Variants in AK8 observed in about 807,000 individuals in gnomAD.
AK8 encodes the protein ATP-AMP transphosphorylase 8.
AK8 carries 44 observed loss-of-function variants against 54.6 expected under a neutral mutation model. The ratio of observed to expected loss-of-function variants is 0.81; its 90% CI spans 0.63 to 1.04. AK8 has a LOEUF of 1.04. Among genes scored for constraint, AK8 ranks in the 50% least tolerant of loss-of-function variants. The probability of loss-of-function intolerance (pLI) is 0.00; values close to 1 mark genes in which losing one functional copy is unlikely to be tolerated. For missense variants in AK8, 555 were observed against 613.6 expected (o/e 0.90, Z 1.01); for synonymous variants, 239 against 245.6 (o/e 0.97, Z 0.25).
chr9:132,817,658 A>G (rs1453538734), intron 9 of AK8, among the ~76,000 whole-genome samples: 1 of 152,200 alleles, frequency 6.6e-6, no homozygotes, highest in Non-Finnish European at 1.5e-5. Context: ...GGCAATAGGA[A>G]GTAGCCAAAC....
chr9:132,795,841 C>G (rs549736557), intron 10 of AK8, among the ~76,000 whole-genome samples: 1 of 152,208 alleles, frequency 6.6e-6, no homozygotes. Context: ...CCTAGGACGG[C>G]TACTAAGGAG....
chr9:132,749,960 C>G (rs72773432), intron 11 of AK8, among the ~76,000 whole-genome samples: 1 of 146,872 alleles, frequency 6.8e-6, no homozygotes, highest in Non-Finnish European at 1.5e-5. Context: ...TTCCTTACCT[C>G]GAGATACTGA....
At chr9:132,821,835 G>A (rs1159738026) in intron 9 of AK8, among the ~76,000 whole-genome samples, 1 of 100,838 alleles carries the variant, frequency 9.9e-6, no homozygotes, top group African/African-American at 3.9e-5. Context: ...ATACATATAT[G>A]TGTATGTATA....
intron 11 of AK8, among the ~76,000 whole-genome samples, chr9:132,732,034 A>G (rs1327398048): frequency 2.0e-5 from 3 of 152,154 alleles, no homozygotes; most frequent in Non-Finnish European, 4.4e-5. Context: ...CAAAACTGTA[A>G]TACCCGTGTG....
At chr9:132,808,291 AT>A (rs1213148315) in intron 10 of AK8, among the ~76,000 whole-genome samples, 1 of 152,108 alleles carries the variant, frequency 6.6e-6, no homozygotes, top group African/African-American at 2.4e-5. Flanking sequence ...TGGGGAATAA[AT>A]TTGTTCTGTT....
Position 132,860,212 on chromosome 9 carries a change from C to T in AK8, c.333+3453G>A, listed in dbSNP as rs1326128507. Among the ~76,000 whole-genome samples, 1 of 152,148 alleles carries T rather than the reference C, an allele frequency of 6.6e-6. No homozygotes were observed. Among genetic ancestry groups the T allele is most frequent in the African/African-American group, 2.4e-5 (1 of 41,432 alleles). ...CCCTGATGGTCCAGTGAGGGAGGGGCCTGAGCAGGAGAGGGCCCAGGAGCC... is the reference window on the plus strand; with the variant it reads ...CCCTGATGGTCCAGTGAGGGAGGGGTCTGAGCAGGAGAGGGCCCAGGAGCC... On this transcript the variant is annotated intron_variant, in intron 4 of 12. Transcript: ENST00000298545. This position sits in a 1 kb window ranked among gnomAD's most constrained non-coding sequence, Gnocchi z 4.4.
At chr9:132,820,248 G>A (rs1245449236) in intron 9 of AK8, among the ~76,000 whole-genome samples, 1 of 150,352 alleles carries the variant, frequency 6.7e-6, no homozygotes, top group East Asian at 2.0e-4. Flanking sequence ...ATAATCCACA[G>A]CTCTGCCGAG....
chr9:132,798,653 C>T (rs1840291962), intron 10 of AK8, among the ~76,000 whole-genome samples: 1 of 151,894 alleles, frequency 6.6e-6, no homozygotes, highest in Non-Finnish European at 1.5e-5. Context: ...ATGAGTATCT[C>T]ATTATTTCAT....
intron 10 of AK8, among the ~76,000 whole-genome samples, chr9:132,793,460 CA>C (rs1840030227): frequency 6.6e-6 from 1 of 152,196 alleles, no homozygotes; most frequent in African/African-American, 2.4e-5. Flanking sequence ...CAGTTTTCCT[CA>C]AGTGGGACTG....
In AK8 at chr9:132,875,124, T is replaced by C. The variant is rs748953503; in HGVS notation, c.160A>G (p.Asn54Asp). The C allele has an allele frequency of 4.3e-6, 7 of 1,613,946 alleles. No homozygotes were observed. In the East Asian group the frequency reaches 1.1e-4, roughly 26 times the overall value. Residue 54 changes from asparagine (N) to aspartate (D), a missense_variant, in exon 2 of 13, where the codon AAC becomes GAC. Physicochemically the swap from Asn to Asp is conservative, Grantham distance 23. Transcript: ENST00000298545. ...PFMIQHLHRD[N>D]DNVPRIVILG... ...CCCAGCCAGTGCTCACCATTGTCGT[T>C]GTCTCTATGCAAGTGCTGGATCATG...
At chr9:132,771,564 G>A (rs546123651) in intron 11 of AK8, among the ~76,000 whole-genome samples, 21 of 152,290 alleles carry the variant, frequency 1.4e-4, no homozygotes, top group Non-Finnish European at 2.8e-4. Flanking sequence ...AAACCCCAAG[G>A]TGTCACTTGA....
intron 11 of AK8, among the ~76,000 whole-genome samples, chr9:132,734,200 C>T (rs1836991584): frequency 6.6e-6 from 1 of 152,200 alleles, no homozygotes; most frequent in Non-Finnish European, 1.5e-5. Flanking sequence ...TTGCAGGCAC[C>T]CCTTCCCCCA....
At position 132,756,234 on chromosome 9, in the gene AK8, T is replaced by C. The variant is rs374928656; in HGVS notation, c.1122-28700A>G. ...GAAGTACAAAAACAGCAGCTCATTC[T>C]TGCATAGAAAAGAATTCTCCTCCCA... On this transcript the variant is annotated intron_variant, in intron 11 of 12. Coordinates refer to ENST00000298545, the MANE Select transcript of AK8 (RefSeq NM_152572.3). Among the ~76,000 whole-genome samples the C allele has an allele frequency of 2.6e-5, 4 of 152,350 alleles. No homozygotes were observed. The East Asian group carries it at 5.8e-4, about 22-fold the overall frequency.
chr9:132,800,147 C>A (rs1840373992), intron 10 of AK8, among the ~76,000 whole-genome samples: 1 of 152,192 alleles, frequency 6.6e-6, no homozygotes, highest in African/African-American at 2.4e-5. Flanking sequence ...CCGAACGCCT[C>A]CCATCTCTGG....
chr9:132,788,286 G>A (rs1839800972), intron 11 of AK8, among the ~76,000 whole-genome samples: 1 of 152,182 alleles, frequency 6.6e-6, no homozygotes, highest in South Asian at 2.1e-4. Context: ...CCACAAAATT[G>A]TATGCTTGTA....
At chr9:132,777,119 G>A (rs545943616) in intron 11 of AK8, among the ~76,000 whole-genome samples, 71 of 152,162 alleles carry the variant, frequency 4.7e-4, no homozygotes, top group Admixed American at 7.2e-4. Flanking sequence ...AGGGGAAGCA[G>A]GCTGCTCAGA....
chr9:132,803,454 A>T lies in AK8; in HGVS notation c.980-10679T>A, dbSNP rs1347066620. On this transcript the variant is annotated intron_variant, in intron 10 of 12. Transcript: ENST00000298545. This position sits in a 1 kb window ranked among gnomAD's most constrained non-coding sequence, Gnocchi z 4.4. ...TGTGAGTACCATTACTACCACTAAG[A>T]TGATGACGATGGCAACTCCATTCTT... 6.6e-6 allele frequency among the ~76,000 whole-genome samples: 1 copy of T among 152,190 alleles called. No individual in the cohort carries two copies. The highest frequency in any genetic ancestry group is 1.5e-5 in the Non-Finnish European group (1 of 68,038).
rs539163832 is a variant in AK8 at position 132,729,087 on chromosome 9, T to C, written c.1122-1553A>G. 2.6e-5 allele frequency among the ~76,000 whole-genome samples: 4 copies of C among 152,226 alleles called. No individual in the cohort carries two copies. In the East Asian group the frequency reaches 5.8e-4, roughly 22 times the overall value. On this transcript the variant is annotated intron_variant, in intron 11 of 12. Coordinates refer to ENST00000298545, the MANE Select transcript of AK8 (RefSeq NM_152572.3). ...ATTTTTCAGAGATGGGGTCTCACTATGTTGCCCAGCTGTTCTGGAACTCCT... is the reference window on the plus strand; with the variant it reads ...ATTTTTCAGAGATGGGGTCTCACTACGTTGCCCAGCTGTTCTGGAACTCCT...
chr9:132,772,087 C>A (rs984778303), intron 11 of AK8, among the ~76,000 whole-genome samples: 1 of 152,192 alleles, frequency 6.6e-6, no homozygotes, highest in Admixed American at 6.5e-5. Context: ...CCCACCAGGT[C>A]CCTCCCACAA....
Sources: allele counts gnomAD v4.1 joint callset (sites outside exome capture counted in the v4.1 genomes callset), GRCh38; gene constraint gnomAD v4.1.1; non-coding constraint Gnocchi (gnomAD v3.1); transcripts MANE v1.5; gene names NCBI Gene and HGNC (gene_info 2026-07-23, HGNC 2026-07-21).